OTOG: variants seen among roughly 807,000 people sequenced by gnomAD.
OTOG encodes the protein otogelin.
OTOG carries 296 observed loss-of-function variants against 313.8 expected under a neutral mutation model. The ratio of observed to expected loss-of-function variants is 0.94; its 90% confidence interval spans 0.86 to 1.04. The LOEUF is 1.04. Among genes scored for constraint, OTOG ranks in the 50% least tolerant of loss-of-function variants. The pLI, the probability that OTOG is intolerant of heterozygous loss-of-function variation, is 0.00. For missense variants in OTOG, 3,948 were observed against 3,840.1 expected, an observed-to-expected ratio of 1.03 and a Z score of -0.74; for synonymous variants, 1,533 against 1,554.9, an observed-to-expected ratio of 0.99 and a Z score of 0.33.
rs943706036 is a variant in OTOG, at chr11:17,635,000, G to A, written c.7585+52G>A. ...GGGGACGGACTGAGGGCAGTGGGGG[G>A]AGGACAGCTCTGGGGGCAGGGGCCC... On this transcript the variant is annotated intron_variant, in intron 45 of 55. Coordinates refer to ENST00000399397, the MANE Select transcript of OTOG (RefSeq NM_001292063.2). The A allele has an allele frequency of 9.8e-6, 15 of 1,534,532 alleles. No homozygotes were observed. The African/African-American group carries it at 1.8e-4, about 18-fold the overall frequency.
intron 35 of OTOG, 136 bp from the exon 36 acceptor site, chr11:17,609,519 A>C (rs1484017937): frequency 2.4e-6 from 2 of 833,790 alleles, no homozygotes; most frequent in African/African-American, 1.7e-5. Flanking sequence ...ACCTGCTGAC[A>C]TCTGGCCGTT....
chr11:17,631,261 G>A (rs555751896), intron 40 of OTOG, among the ~76,000 whole-genome samples: 3 of 149,156 alleles, frequency 2.0e-5, no homozygotes, highest in African/African-American at 7.7e-5. Context: ...TTATTTTGGT[G>A]TAATATAGCA....
chr11:17,633,897 TG>T, intron 43 of OTOG, 23 bp downstream of exon 43: 1 of 1,507,970 alleles, frequency 6.6e-7, no homozygotes. Flanking sequence ...CCTCCCTGAG[TG>T]GGGGGCCTCC....
intron 19 of OTOG, among the ~76,000 whole-genome samples, chr11:17,574,435 C>G (rs552431334): frequency 1.3e-5 from 2 of 152,096 alleles, no homozygotes; most frequent in Non-Finnish European, 2.9e-5. Flanking sequence ...GTCACTGCCT[C>G]AGAGGAATGC....
At position 17,629,131 on chromosome 11, in the gene OTOG, A is replaced by G; in HGVS notation, c.6529-2A>G. 1 of 1,550,136 alleles carries G rather than the reference A, an allele frequency of 6.5e-7. No homozygotes were observed. Among genetic ancestry groups the G allele is most frequent in the South Asian group, 1.2e-5 (1 of 83,970 alleles). ...TGTGCTCACACTGAATTCCCTCCCAAGGTGACTGTGGACTTGCAGCCTGTG... is the reference window on the plus strand; with the variant it reads ...TGTGCTCACACTGAATTCCCTCCCAGGGTGACTGTGGACTTGCAGCCTGTG... On this transcript the variant is annotated splice_acceptor_variant, in intron 39 of 55. Coordinates refer to ENST00000399397, the MANE Select transcript of OTOG (RefSeq NM_001292063.2). LOFTEE classifies it high-confidence loss of function.
chr11:17,600,843 C>G (rs1183072803), intron 31 of OTOG, among the ~76,000 whole-genome samples: 1 of 152,244 alleles, frequency 6.6e-6, no homozygotes, highest in Admixed American at 6.5e-5. Flanking sequence ...CTGTTTCTAG[C>G]ATCTTCCACC....
In OTOG at chr11:17,574,763, C is replaced by T. The variant is rs1316221041; in HGVS notation, c.2337C>T (p.Ala779=). 4 of 1,550,670 alleles carry T rather than the reference C, an allele frequency of 2.6e-6. No homozygotes were observed. In the East Asian group the frequency reaches 9.8e-5, roughly 38 times the overall value. ...CCAAGGAGTATAGCCCCTGCGTGGC[C>T]CCGTGTGGACGTACCTGCCAGGACC... ...EASKEYSPCV[A]PCGRTCQDLA... Residue 779 remains alanine, a synonymous_variant, in exon 20 of 56, where the codon GCC becomes GCT. Coordinates refer to ENST00000399397, the MANE Select transcript of OTOG (RefSeq NM_001292063.2).
rs145247100 is a variant in OTOG, at chr11:17,573,415, C to A, written c.2293+125C>A. On this transcript the variant is annotated intron_variant, in intron 19 of 55. Coordinates refer to ENST00000399397, the MANE Select transcript of OTOG (RefSeq NM_001292063.2). The stretch of plus-strand genomic sequence containing the variant: ...TCCTCCAGCCTGACTGCACCCAGAG[C>A]CTGCTTCTCCTCCTGCACCCTCCAT... 638 of 1,015,798 alleles carry A rather than the reference C, an allele frequency of 6.3e-4. 1 individual carries two copies. The African/African-American group carries it at 7.0e-3, about 11-fold the overall frequency. 62.9% of individuals were successfully genotyped at this position (1,015,798 alleles called of 1,614,324 possible). A position where few individuals can be genotyped will look rare whatever the true frequency, so the allele number is the denominator to read the frequency against.
chr11:17,625,981 G>A (rs1565124047), intron 39 of OTOG, among the ~76,000 whole-genome samples: 1 of 152,128 alleles, frequency 6.6e-6, no homozygotes, highest in African/African-American at 2.4e-5. Flanking sequence ...TCTCATATAT[G>A]GTGAGAGATA....
intron 33 of OTOG, among the ~76,000 whole-genome samples, chr11:17,607,051 A>T (rs1853407327): frequency 6.6e-6 from 1 of 152,088 alleles, no homozygotes; most frequent in South Asian, 2.1e-4. Context: ...CTGGTCCTAG[A>T]CCCTTGGAGG....
chr11:17,618,192 T>C (rs1239844525), intron 39 of OTOG, among the ~76,000 whole-genome samples: 1 of 152,202 alleles, frequency 6.6e-6, no homozygotes, highest in Non-Finnish European at 1.5e-5. Flanking sequence ...TGAGCCACCA[T>C]GCCTGGCCTC....
chr11:17,571,134 G>C (rs914151422), intron 17 of OTOG, among the ~76,000 whole-genome samples: 1 of 152,202 alleles, frequency 6.6e-6, no homozygotes, highest in African/African-American at 2.4e-5. Flanking sequence ...CAGATTTGCT[G>C]TGAAGAACAA....
At chr11:17,561,454 A>G (rs1378788971) in intron 14 of OTOG, among the ~76,000 whole-genome samples, 1 of 152,170 alleles carries the variant, frequency 6.6e-6, no homozygotes, top group Non-Finnish European at 1.5e-5. Context: ...GGAGATCCCC[A>G]GGGCAGGGCT....
intron 39 of OTOG, among the ~76,000 whole-genome samples, chr11:17,618,073 T>C (rs1853769765): frequency 6.6e-6 from 1 of 152,124 alleles, no homozygotes; most frequent in Non-Finnish European, 1.5e-5. Flanking sequence ...CCAATTTTTT[T>C]TGTATTTTTA....
intron 30 of OTOG, among the ~76,000 whole-genome samples, chr11:17,598,367 A>G (rs1323355717): frequency 1.3e-5 from 2 of 152,250 alleles, no homozygotes; most frequent in African/African-American, 2.4e-5. Context: ...ACTCTGGCTC[A>G]GTGGGAGACT....
Position 17,591,534 on chromosome 11 carries a change from G to T in OTOG, c.2952G>T (p.Thr984=), listed in dbSNP as rs747518343. 1 of 1,550,688 alleles carries T rather than the reference G, an allele frequency of 6.4e-7. No individual in the cohort carries two copies. The highest frequency in any genetic ancestry group is 1.4e-5 in the African/African-American group (1 of 73,174). ...CCTATGGGGACCGGCATTACCGCACGTTTGATGGGCTCCCGTTTGACTTCG... is the reference window on the plus strand; with the variant it reads ...CCTATGGGGACCGGCATTACCGCACTTTTGATGGGCTCCCGTTTGACTTCG... ...CTAYGDRHYR[T]FDGLPFDFVG... Residue 984 remains threonine, a synonymous_variant, in exon 25 of 56, where the codon ACG becomes ACT. Coordinates refer to ENST00000399397, the MANE Select transcript of OTOG (RefSeq NM_001292063.2).
intron 38 of OTOG, among the ~76,000 whole-genome samples, chr11:17,613,255 CTTTCTT>C (rs1565119002): frequency 9.7e-4 from 122 of 125,596 alleles, no homozygotes; most frequent in African/African-American, 3.8e-3. Context: ...TTCTTTCTTT[CTTTCTT>C]TCTTTCTCTC....
rs1385889792 is a variant in OTOG, at chr11:17,610,987, C to T, written c.5687C>T (p.Ser1896Phe). 1 of 1,550,570 alleles carries T rather than the reference C, an allele frequency of 6.4e-7. No homozygotes were observed. ...GVLPVAEGTA[S>F]MVSVVPRKST... ...CTGCCTGTGGCTGAGGGCACGGCCT[C>T]CATGGTATCTGTTGTCCCACGAAAG... Residue 1896 changes from serine to phenylalanine, a missense_variant, in exon 36 of 56, where the codon TCC becomes TTC. Transcript: ENST00000399397.
rs1854197110 is a variant in OTOG, at chr11:17,633,982, G to A, written c.7268-87G>A. ...TGCATCCTTTCAGGTCTGCTTAGGGGTGGCCAGTAAACCAGGGAGAGTCTA... is the reference window on the plus strand; with the variant it reads ...TGCATCCTTTCAGGTCTGCTTAGGGATGGCCAGTAAACCAGGGAGAGTCTA... On this transcript the variant is annotated intron_variant, in intron 43 of 55. Coordinates refer to ENST00000399397, the MANE Select transcript of OTOG (RefSeq NM_001292063.2). 9.4e-6 allele frequency: 14 copies of A among 1,486,444 alleles called. No homozygotes were observed. The South Asian group carries it at 1.7e-4, about 18-fold the overall frequency. 92.1% of individuals were successfully genotyped at this position (1,486,444 alleles called of 1,614,324 possible).
Sources: gnomAD v4.1 joint callset for allele counts (sites outside exome capture counted in the v4.1 genomes callset) on GRCh38, gnomAD v4.1.1 for gene constraint, MANE v1.5 for transcripts, NCBI Gene and HGNC (gene_info 2026-07-23, HGNC 2026-07-21) for gene names.